GPC6: variants seen among roughly 807,000 people sequenced by gnomAD.
GPC6 encodes glypican 6, also known as glypican-6.
A neutral mutation model predicts 55.2 loss-of-function variants in GPC6; 14 were observed. The observed-to-expected ratio is 0.25, with a 90% CI of 0.17 to 0.40. The LOEUF (loss-of-function observed/expected upper bound fraction) is 0.40. Ranked by LOEUF, GPC6 falls within the 10% of genes least tolerant of loss-of-function variation. The pLI is 1.00. For missense variants in GPC6, 641 were observed against 708.5 expected (o/e 0.90, Z 1.08); for synonymous variants, 278 against 259.6 (o/e 1.07, Z -0.68).
chr13:93,823,091 C>T (rs967938201), intron 2 of GPC6, among the ~76,000 whole-genome samples: 1 of 151,932 alleles, frequency 6.6e-6, no homozygotes, highest in African/African-American at 2.4e-5. Flanking sequence ...TCTCGATCTC[C>T]TGGCCTCATG....
intron 4 of GPC6, among the ~76,000 whole-genome samples, chr13:94,132,119 C>T (rs1450403927): frequency 6.6e-6 from 1 of 152,056 alleles, no homozygotes; most frequent in Non-Finnish European, 1.5e-5. Flanking sequence ...GCACGGAGGC[C>T]ATGATGGTTT....
chr13:94,090,669 C>A (rs1459229045), intron 4 of GPC6, among the ~76,000 whole-genome samples: 1 of 64,942 alleles, frequency 1.5e-5, no homozygotes, highest in African/African-American at 4.9e-5. Context: ...CTGTTTTTAA[C>A]AAACATTACT....
At chr13:93,264,646 CT>C (rs1160958276) in intron 1 of GPC6, among the ~76,000 whole-genome samples, 1 of 152,142 alleles carries the variant, frequency 6.6e-6, no homozygotes, top group African/African-American at 2.4e-5. Context: ...GATCTTCCCT[CT>C]TTGGCCTTCC....
rs891469061 is a variant in GPC6, at chr13:94,137,590, T to C, written c.877+109696T>C. ...TTGTTGTTGTTGTTGTTAACAATTATAAACATTTATTAAGCACCAAGAATA... is the reference window on the plus strand; with the variant it reads ...TTGTTGTTGTTGTTGTTAACAATTACAAACATTTATTAAGCACCAAGAATA... On this transcript the variant is annotated intron_variant, in intron 4 of 8. Coordinates refer to ENST00000377047, the MANE Select transcript of GPC6 (RefSeq NM_005708.5). 4.6e-5 allele frequency among the ~76,000 whole-genome samples: 7 copies of C among 152,314 alleles called. No individual in the cohort carries two copies. In the East Asian group the frequency reaches 1.4e-3, roughly 29 times the overall value.
intron 3 of GPC6, among the ~76,000 whole-genome samples, chr13:93,892,182 A>G (rs1875734137): frequency 1.3e-5 from 2 of 152,130 alleles, no homozygotes; most frequent in Admixed American, 6.5e-5. Flanking sequence ...GGACAGATAT[A>G]CTAAGCCATC....
At chr13:93,656,181 A>C (rs1880655700) in intron 2 of GPC6, among the ~76,000 whole-genome samples, 1 of 152,152 alleles carries the variant, frequency 6.6e-6, no homozygotes, top group South Asian at 2.1e-4. Flanking sequence ...ATTTCAGCTA[A>C]TTTTGAAATA....
chr13:93,341,817 G>A (rs768726597), intron 1 of GPC6, among the ~76,000 whole-genome samples: 61 of 151,324 alleles, frequency 4.0e-4, no homozygotes, highest in African/African-American at 1.3e-3. Flanking sequence ...TTGCCTAAGC[G>A]AATGTCCAGA....
chr13:93,573,600 C>T lies in GPC6; in HGVS notation c.319+28179C>T, dbSNP rs574482109. Among the ~76,000 whole-genome samples, 9 of 152,054 alleles carry T rather than the reference C, an allele frequency of 5.9e-5. 1 individual carries two copies. Among genetic ancestry groups the T allele is most frequent in the South Asian group, 2.1e-4 (1 of 4,816 alleles). ...ACTTGAACACACACCTAGGAAAGCA[C>T]GTAAGTCGATAAAATGAGAAAAAAG... On this transcript the variant is annotated intron_variant, in intron 2 of 8. Transcript: ENST00000377047.
rs1401531185 is a variant in GPC6, at chr13:94,300,985, T to A, written c.1009-4995T>A. Among the ~76,000 whole-genome samples the A allele has an allele frequency of 2.6e-5, 4 of 152,272 alleles. No homozygotes were observed. In the East Asian group the frequency reaches 7.7e-4, roughly 29 times the overall value. On this transcript the variant is annotated intron_variant, in intron 5 of 8. Coordinates refer to ENST00000377047, the MANE Select transcript of GPC6 (RefSeq NM_005708.5). ...TGAATCACGTCTCTCCTTGGCAGGT[T>A]ACAACCACCTTCACAGTATATCTCA...
At chr13:93,627,107 A>G (rs2139565819) in intron 2 of GPC6, among the ~76,000 whole-genome samples, 1 of 152,072 alleles carries the variant, frequency 6.6e-6, no homozygotes, top group East Asian at 1.9e-4. Context: ...CGCACCCATC[A>G]ACCCATTACC....
chr13:94,130,908 G>T (rs2138865744), intron 4 of GPC6, among the ~76,000 whole-genome samples: 1 of 152,136 alleles, frequency 6.6e-6, no homozygotes, highest in East Asian at 1.9e-4. Flanking sequence ...GAAATAATTT[G>T]TTTGTTTTTG....
rs114004854 is a variant in GPC6, at chr13:93,724,997, C to T, written c.320-105157C>T. ...GAAACCTAACATTTAAAAAAAAGTG[C>T]CTTCTGTGCACTCAAAGGCAAGATT... On this transcript the variant is annotated intron_variant, in intron 2 of 8. Transcript: ENST00000377047. 2.4e-3 allele frequency among the ~76,000 whole-genome samples: 362 copies of T among 152,052 alleles called. 2 individuals carry two copies. The highest frequency in any genetic ancestry group is 8.5e-3 in the African/African-American group (351 of 41,508).
chr13:93,541,634 G>C (rs1409678853), intron 1 of GPC6, among the ~76,000 whole-genome samples: 12 of 118,244 alleles, frequency 1.0e-4, no homozygotes, highest in Non-Finnish European at 1.9e-4. Flanking sequence ...CTAGTTTACA[G>C]TCCCACCAAC....
chr13:93,383,120 T>G (rs1875249502), intron 1 of GPC6, among the ~76,000 whole-genome samples: 1 of 152,036 alleles, frequency 6.6e-6, no homozygotes, highest in South Asian at 2.1e-4. Context: ...GCTTGAGGAG[T>G]GGTAGACTTT....
intron 2 of GPC6, among the ~76,000 whole-genome samples, chr13:93,797,231 C>T (rs1886225108): frequency 6.6e-6 from 1 of 152,090 alleles, no homozygotes; most frequent in African/African-American, 2.4e-5. Context: ...CTAACAGGCT[C>T]CGGGTGATTA....
chr13:93,988,899 A>G (rs1318822135), intron 3 of GPC6, among the ~76,000 whole-genome samples: 2 of 152,184 alleles, frequency 1.3e-5, no homozygotes, highest in Non-Finnish European at 2.9e-5. Flanking sequence ...ATAAATTGAT[A>G]GAGATGGACA....
At chr13:94,136,996 T>G (rs567560959) in intron 4 of GPC6, among the ~76,000 whole-genome samples, 1 of 152,292 alleles carries the variant, frequency 6.6e-6, no homozygotes, top group African/African-American at 2.4e-5. Flanking sequence ...ACTCAATGAC[T>G]GATTGGATTT....
At chr13:93,724,270 G>T (rs1594402821) in intron 2 of GPC6, among the ~76,000 whole-genome samples, 4 of 152,006 alleles carry the variant, frequency 2.6e-5, no homozygotes, top group Admixed American at 2.6e-4. Context: ...TTGCTTTCAG[G>T]GGGAGTTTGT....
chr13:93,652,378 T>C (rs1236922543), intron 2 of GPC6, among the ~76,000 whole-genome samples: 1 of 152,206 alleles, frequency 6.6e-6, no homozygotes, highest in Non-Finnish European at 1.5e-5. Flanking sequence ...ACCTCTACTC[T>C]GCCCCCTGCC....
Sources: allele counts gnomAD v4.1 joint callset (sites outside exome capture counted in the v4.1 genomes callset), GRCh38; gene constraint gnomAD v4.1.1; transcripts MANE v1.5; gene names NCBI Gene and HGNC (gene_info 2026-07-23, HGNC 2026-07-21).